Variants in TAFA5 observed in about 807,000 individuals in gnomAD.
The protein encoded by TAFA5 is TAFA chemokine like family member 5.
Under a neutral mutation model 15.3 loss-of-function variants are expected in TAFA5, and 6 were observed. That is an observed-to-expected ratio of 0.39 (90% CI 0.21 to 0.77). The LOEUF (loss-of-function observed/expected upper bound fraction) is 0.77, where lower values mean the gene tolerates loss of function less well. Among genes scored for constraint, TAFA5 ranks in the 30% least tolerant of loss-of-function variants. The pLI, the probability that TAFA5 is intolerant of heterozygous loss-of-function variation, is 0.41. For missense variants in TAFA5, 161 were observed against 193.1 expected (o/e 0.83, Z 0.98); for synonymous variants, 103 against 80.7 (o/e 1.28, Z -1.48).
intron 1 of TAFA5, among the ~76,000 whole-genome samples, chr22:48,494,676 TA>T (rs1444897334): frequency 3.9e-5 from 6 of 152,142 alleles, no homozygotes; most frequent in Non-Finnish European, 5.9e-5. Context: ...AGGCCCTGGA[TA>T]GGCCTGGAGC....
At position 48,750,938 on chromosome 22, in the gene TAFA5, G is replaced by A. The variant is rs1438958033; in HGVS notation, c.*1091G>A. ...GGGCCGAGCCCCGTGTGTTTCTGAA[G>A]ACTCTGGGGGTGGGACACGGCGGGG... On this transcript the variant is annotated 3_prime_UTR_variant, in exon 4 of 4. Transcript: ENST00000402357. 1 of 152,448 alleles carries A rather than the reference G, an allele frequency of 6.6e-6. No individual in the cohort carries two copies. The highest frequency in any genetic ancestry group is 1.5e-5 in the Non-Finnish European group (1 of 68,052). The allele number at this position is 152,448 out of a possible 1,614,324, so 9.4% of individuals were successfully genotyped here. A position where few individuals can be genotyped will look rare whatever the true frequency, so the allele number is the denominator to read the frequency against.
At chr22:48,678,388 A>C (rs1466123681) in intron 2 of TAFA5, among the ~76,000 whole-genome samples, 1 of 152,186 alleles carries the variant, frequency 6.6e-6, no homozygotes, top group East Asian at 1.9e-4. Context: ...GGGCAAAGAC[A>C]CAGGCCTCAA....
At chr22:48,710,845 C>T (rs1175646175) in intron 3 of TAFA5, among the ~76,000 whole-genome samples, 3 of 152,188 alleles carry the variant, frequency 2.0e-5, no homozygotes, top group African/African-American at 7.2e-5. Context: ...GCCTCACGGG[C>T]TTGGGAGCTC....
chr22:48,500,009 C>T (rs1489442030), intron 1 of TAFA5, among the ~76,000 whole-genome samples: 1 of 152,112 alleles, frequency 6.6e-6, no homozygotes, highest in East Asian at 1.9e-4. Context: ...AAACCAAAGC[C>T]ACCTTCTGTT....
At chr22:48,700,033 C>G (rs570281493) in intron 2 of TAFA5, among the ~76,000 whole-genome samples, 3 of 152,046 alleles carry the variant, frequency 2.0e-5, no homozygotes, top group Admixed American at 6.5e-5. Context: ...CACGAGTACA[C>G]GCACACACCA....
At chr22:48,533,741 A>G (rs1922051271) in intron 1 of TAFA5, among the ~76,000 whole-genome samples, 1 of 151,770 alleles carries the variant, frequency 6.6e-6, no homozygotes. Context: ...GCTGTTGCCC[A>G]GAGAAGGACA....
rs565097824 is a variant in TAFA5, at chr22:48,666,697, C to T, written c.262+19951C>T. Among the ~76,000 whole-genome samples the T allele has an allele frequency of 3.3e-4, 51 of 152,288 alleles. No homozygotes were observed. In the South Asian group the frequency reaches 9.3e-3, roughly 28 times the overall value. On this transcript the variant is annotated intron_variant, in intron 2 of 3. Coordinates refer to ENST00000402357, the MANE Select transcript of TAFA5 (RefSeq NM_001082967.3). ...AGGAATCCCCGTGACAGCGTCACACCGGCTAGTTCCACTGCCCTGAAACCC... is the reference window on the plus strand; with the variant it reads ...AGGAATCCCCGTGACAGCGTCACACTGGCTAGTTCCACTGCCCTGAAACCC...
At chr22:48,611,837 C>A (rs1347999619) in intron 1 of TAFA5, among the ~76,000 whole-genome samples, 1 of 152,164 alleles carries the variant, frequency 6.6e-6, no homozygotes, top group African/African-American at 2.4e-5. Flanking sequence ...AGAGGCAGTG[C>A]CTGGGGTGTG....
Position 48,516,453 on chromosome 22 carries a change from C to T in TAFA5, c.112+26749C>T, listed in dbSNP as rs372363522. Among the ~76,000 whole-genome samples the T allele has an allele frequency of 3.9e-5, 6 of 152,246 alleles. No individual in the cohort carries two copies. In the East Asian group the frequency reaches 7.7e-4, roughly 20 times the overall value. On this transcript the variant is annotated intron_variant, in intron 1 of 3. Transcript: ENST00000402357. ...TATTCAGTGCAGACATCATCACCAT[C>T]GTCTGTGACATTCGCTGCTGAACGA...
At chr22:48,729,507 G>C (rs1042850008) in intron 3 of TAFA5, among the ~76,000 whole-genome samples, 5 of 147,404 alleles carry the variant, frequency 3.4e-5, no homozygotes, top group Non-Finnish European at 6.0e-5. Flanking sequence ...CAGATTACTA[G>C]GCTAAGACAG....
chr22:48,666,131 G>T (rs1380503311), intron 2 of TAFA5, among the ~76,000 whole-genome samples: 1 of 152,180 alleles, frequency 6.6e-6, no homozygotes, highest in Non-Finnish European at 1.5e-5. Context: ...AGGCCACTGT[G>T]TGCCCTGGGT....
Position 48,749,820 on chromosome 22 carries a change from C to T in TAFA5, c.391-19C>T, listed in dbSNP as rs1347715351. ...AGCGTCTGCAGGAGGCTCACCCTCT[C>T]TCTCTCTTTGCTCCTCAGGTCTCCT... On this transcript the variant is annotated intron_variant, in intron 3 of 3. Coordinates refer to ENST00000402357, the MANE Select transcript of TAFA5 (RefSeq NM_001082967.3). 2.6e-6 allele frequency: 4 copies of T among 1,561,446 alleles called. No homozygotes were observed. Among genetic ancestry groups the T allele is most frequent in the Non-Finnish European group, 3.5e-6 (4 of 1,152,128 alleles).
intron 2 of TAFA5, among the ~76,000 whole-genome samples, chr22:48,677,321 C>T (rs1032818114): frequency 9.9e-5 from 15 of 152,254 alleles, no homozygotes; most frequent in African/African-American, 2.9e-4. Flanking sequence ...TTGGTCATCA[C>T]GCCTTGGCTC....
At chr22:48,575,570 T>C (rs1189086392) in intron 1 of TAFA5, among the ~76,000 whole-genome samples, 1 of 143,652 alleles carries the variant, frequency 7.0e-6, no homozygotes, top group Non-Finnish European at 1.5e-5. Flanking sequence ...GCGCGCAGCG[T>C]CGCCGGCCCC....
chr22:48,716,015 A>G (rs760257910), intron 3 of TAFA5, among the ~76,000 whole-genome samples: 31 of 152,166 alleles, frequency 2.0e-4, no homozygotes, highest in Non-Finnish European at 3.2e-4. Flanking sequence ...ATCCTTTCCC[A>G]TTGCTTGTTT....
At chr22:48,647,221 C>A (rs1003413221) in intron 2 of TAFA5, among the ~76,000 whole-genome samples, 1 of 152,176 alleles carries the variant, frequency 6.6e-6, no homozygotes, top group Non-Finnish European at 1.5e-5. Flanking sequence ...GCAGCTCCGG[C>A]CCCCATGGGC....
At chr22:48,575,014 G>C (rs1247512929) in intron 1 of TAFA5, among the ~76,000 whole-genome samples, 1 of 152,108 alleles carries the variant, frequency 6.6e-6, no homozygotes, top group Non-Finnish European at 1.5e-5. Flanking sequence ...GCAGGTGTGA[G>C]TGTGTTTGTG....
rs184429419 is a variant in TAFA5 at position 48,591,008 on chromosome 22, C to G, written c.113-55589C>G. Among the ~76,000 whole-genome samples the G allele has an allele frequency of 2.6e-3, 403 of 152,240 alleles. 4 individuals carry two copies. Among genetic ancestry groups the G allele is most frequent in the African/African-American group, 9.1e-3 (377 of 41,534 alleles). On this transcript the variant is annotated intron_variant, in intron 1 of 3. Coordinates refer to ENST00000402357, the MANE Select transcript of TAFA5 (RefSeq NM_001082967.3). ...CTGGGATTACAGGCGCCCATCACCA[C>G]GCCCAGCTAATTTTTGTATTTTTAG...
chr22:48,675,673 G>A lies in TAFA5; in HGVS notation c.262+28927G>A, dbSNP rs547254899. 6.5e-4 allele frequency among the ~76,000 whole-genome samples: 99 copies of A among 152,368 alleles called. 1 individual carries two copies. In the Middle Eastern group the frequency reaches 0.01, roughly 16 times the overall value. On this transcript the variant is annotated intron_variant, in intron 2 of 3. Coordinates refer to ENST00000402357, the MANE Select transcript of TAFA5 (RefSeq NM_001082967.3). ...CTGACACCACTGGGTGCAAAAGCCCGGCTTCCCTCTGCAGTCTCCAAGCAT... is the reference window on the plus strand; with the variant it reads ...CTGACACCACTGGGTGCAAAAGCCCAGCTTCCCTCTGCAGTCTCCAAGCAT...
Sources: gnomAD v4.1 joint callset for allele counts (sites outside exome capture counted in the v4.1 genomes callset) on GRCh38, gnomAD v4.1.1 for gene constraint, MANE v1.5 for transcripts, NCBI Gene and HGNC (gene_info 2026-07-23, HGNC 2026-07-21) for gene names.